Variants in MARCHF10 observed in about 807,000 individuals in gnomAD.
MARCHF10 encodes the protein probable E3 ubiquitin-protein ligase MARCHF10.
MARCHF10 carries 64 observed loss-of-function variants against 76.2 expected under a neutral mutation model. That is an observed-to-expected ratio of 0.84 (90% CI 0.69 to 1.03). The LOEUF is 1.03. Ranked by LOEUF, MARCHF10 falls within the 50% of genes least tolerant of loss-of-function variation. MARCHF10 has a pLI of 0.00. For synonymous variants in MARCHF10, 340 were observed against 357.5 expected (o/e 0.95, Z 0.55); for missense variants, 875 against 958.0 (o/e 0.91, Z 1.14).
intron 2 of MARCHF10, among the ~76,000 whole-genome samples, chr17:62,792,985 TCAC>T (rs2092891145): frequency 1.1e-5 from 1 of 94,094 alleles, no homozygotes; most frequent in African/African-American, 4.3e-5. Flanking sequence ...ACCACCTCCA[TCAC>T]TACCACCACC....
intron 4 of MARCHF10, among the ~76,000 whole-genome samples, chr17:62,751,545 A>C (rs1019607567): frequency 2.6e-5 from 4 of 152,192 alleles, no homozygotes; most frequent in Admixed American, 6.5e-5. Flanking sequence ...TCTTGTTCAA[A>C]AATAGTTTCG....
chr17:62,711,200 C>T lies in MARCHF10; in HGVS notation c.2328+31G>A. 6.3e-7 allele frequency: 1 copy of T among 1,594,494 alleles called. No individual in the cohort carries two copies. Among genetic ancestry groups the T allele is most frequent in the Non-Finnish European group, 8.6e-7 (1 of 1,162,676 alleles). ...CACTGCAGGGTTTTCAGGGCTGCCA[C>T]CGGACAGCTCTGGGTCACAGCCAGA... is the stretch of plus-strand genomic sequence containing the variant. On this transcript the variant is annotated intron_variant, in intron 9 of 10. Coordinates refer to ENST00000311269, the MANE Select transcript of MARCHF10 (RefSeq NM_152598.4). The surrounding 1 kb of genome is among the most constrained non-coding windows in gnomAD (Gnocchi z 4.4).
rs540504027 is a variant in MARCHF10 at position 62,724,814 on chromosome 17, G to A, written c.2104+124C>T. Reference sequence around the variant, plus strand: ...GAGCAAGGATCTGGAGCTCAGCCACGTGTCCCTGAGTCGCTGTTCTGCGGA... The same window carrying A: ...GAGCAAGGATCTGGAGCTCAGCCACATGTCCCTGAGTCGCTGTTCTGCGGA... On this transcript the variant is annotated intron_variant, in intron 7 of 10. Coordinates refer to ENST00000311269, the MANE Select transcript of MARCHF10 (RefSeq NM_152598.4). The A allele has an allele frequency of 7.1e-5, 70 of 987,318 alleles. No homozygotes were observed. In the East Asian group the frequency reaches 1.7e-3, roughly 24 times the overall value. 61.2% of individuals were successfully genotyped at this position (987,318 alleles called of 1,614,324 possible).
rs60456766 is a variant in MARCHF10, at chr17:62,723,559, C to CTTTTTTTTTTTTTTTTTT, written c.2105-980_2105-963dup. Among the ~76,000 whole-genome samples the CTTTTTTTTTTTTTTTTTT allele has an allele frequency of 1.3e-3, 103 of 80,334 alleles. 10 individuals carry two copies. The highest frequency in any genetic ancestry group is 2.1e-3 in the East Asian group (6 of 2,868). 52.7% of individuals were successfully genotyped at this position (80,334 alleles called of 152,430 possible). A position where few individuals can be genotyped will look rare whatever the true frequency, so the allele number is the denominator to read the frequency against. ...CCTTATCTGCATTTTGTTCGCTTGA[C>CTTTTTTTTTTTTTTTTTT]TTTTTTTTTTTTTTTTTTTAGCGTC... On this transcript the variant is annotated intron_variant, in intron 7 of 10. Transcript: ENST00000311269.
intron 3 of MARCHF10, among the ~76,000 whole-genome samples, chr17:62,787,832 A>G (rs1382039521): frequency 6.6e-6 from 1 of 152,212 alleles, no homozygotes; most frequent in Admixed American, 6.5e-5. Flanking sequence ...ATATGTATAA[A>G]GTGCTTCGTA....
In MARCHF10 at chr17:62,738,101, A is replaced by ACACACACAC; in HGVS notation, c.536-770_536-769insGTGTGTGTG. Among the ~76,000 whole-genome samples the ACACACACAC allele has an allele frequency of 2.5e-5, 1 of 40,182 alleles. No individual in the cohort carries two copies. The allele number at this position is 40,182 out of a possible 152,430, so 26.4% of individuals were successfully genotyped here. The stretch of plus-strand genomic sequence containing the variant: ...ACACACACACACACACACACACACA[A>ACACACACAC]CTTAAGCCTCACAACCCTGTGAAAT... On this transcript the variant is annotated intron_variant, in intron 5 of 10. Transcript: ENST00000311269. This position sits in a 1 kb window ranked among gnomAD's most constrained non-coding sequence, Gnocchi z 4.0.
In MARCHF10 at chr17:62,711,763, G is replaced by A. The variant is rs1318984583; in HGVS notation, c.2215-419C>T. 6.6e-6 allele frequency among the ~76,000 whole-genome samples: 1 copy of A among 152,164 alleles called. No homozygotes were observed. The highest frequency in any genetic ancestry group is 2.4e-5 in the African/African-American group (1 of 41,418). On this transcript the variant is annotated intron_variant, in intron 8 of 10. Transcript: ENST00000311269. This position sits in a 1 kb window ranked among gnomAD's most constrained non-coding sequence, Gnocchi z 4.4. ...CTCCAGTACAAGCTGGATGTGTCGG[G>A]TGCTACAACAGAGATGCACCAGGCC...
At chr17:62,705,005 G>T in intron 10 of MARCHF10, 1 of 878,176 alleles carries the variant, frequency 1.1e-6, no homozygotes, top group Non-Finnish European at 1.4e-6. Flanking sequence ...GAACCTGTTT[G>T]CAGAGAGCCG....
intron 8 of MARCHF10, among the ~76,000 whole-genome samples, chr17:62,720,845 C>A (rs2090444618): frequency 1.3e-5 from 2 of 150,442 alleles, no homozygotes; most frequent in Non-Finnish European, 3.0e-5. Flanking sequence ...GGAGTCTCTG[C>A]TCCGGTAAGT....
intron 4 of MARCHF10, among the ~76,000 whole-genome samples, chr17:62,753,986 G>A (rs1225471369): frequency 6.6e-6 from 1 of 152,196 alleles, no homozygotes; most frequent in Non-Finnish European, 1.5e-5. Flanking sequence ...GGATGTATTT[G>A]CTAACATCCC....
chr17:62,763,890 C>T (rs17684593), intron 3 of MARCHF10, among the ~76,000 whole-genome samples: 7,781 of 152,194 alleles, frequency 0.051, 275 homozygotes, highest in Middle Eastern at 0.092. Context: ...CCAAAGATCC[C>T]GAACTTGCTC....
In MARCHF10 at chr17:62,788,522, ACTTGTCT is replaced by A; in HGVS notation, c.161_167del (p.Glu54ValfsTer23). 6.2e-7 allele frequency: 1 copy of A among 1,613,946 alleles called. No homozygotes were observed. Among genetic ancestry groups the A allele is most frequent in the Non-Finnish European group, 8.5e-7 (1 of 1,179,976 alleles). ...TGCTAGAAAACCGGGATCTCTCAAA[ACTTGTCT>A]CTTGCCCCCAAAACTGATCGCGTTT... is the stretch of plus-strand genomic sequence containing the variant. On this transcript the variant is annotated frameshift_variant, in exon 3 of 11. Transcript: ENST00000311269. LOFTEE classifies it high-confidence loss of function.
intron 2 of MARCHF10, among the ~76,000 whole-genome samples, chr17:62,795,648 G>T (rs957700890): frequency 6.6e-6 from 1 of 152,138 alleles, no homozygotes; most frequent in African/African-American, 2.4e-5. Context: ...AACACTTAGC[G>T]TATTTTAGGC....
intron 2 of MARCHF10, among the ~76,000 whole-genome samples, chr17:62,789,342 T>G (rs2092803346): frequency 6.6e-6 from 1 of 152,150 alleles, no homozygotes; most frequent in Non-Finnish European, 1.5e-5. Context: ...CATGTGTGTT[T>G]CCTGCACTTG....
chr17:62,790,179 T>C (rs920281320), intron 2 of MARCHF10, among the ~76,000 whole-genome samples: 1 of 151,144 alleles, frequency 6.6e-6, no homozygotes, highest in Admixed American at 6.6e-5. Context: ...TAGTAAAAGT[T>C]TTTTTTTTCC....
chr17:62,804,188 A>G (rs1453641841), intron 1 of MARCHF10, among the ~76,000 whole-genome samples: 1 of 152,194 alleles, frequency 6.6e-6, no homozygotes. Context: ...TTCGCTTCAG[A>G]AAACACAGGA....
intron 1 of MARCHF10, among the ~76,000 whole-genome samples, chr17:62,804,447 C>T (rs1197489516): frequency 1.3e-5 from 2 of 151,544 alleles, no homozygotes; most frequent in Admixed American, 6.6e-5. Context: ...AGAAACTCTG[C>T]GGAAAAAAAA....
At chr17:62,747,745 GC>G (rs2091755081) in intron 4 of MARCHF10, among the ~76,000 whole-genome samples, 1 of 152,154 alleles carries the variant, frequency 6.6e-6, no homozygotes, top group Admixed American at 6.5e-5. Context: ...TCACAGGTTG[GC>G]AATAACTTAT....
intron 10 of MARCHF10, chr17:62,705,022 C>A: frequency 1.1e-5 from 11 of 993,108 alleles, no homozygotes; most frequent in African/African-American, 1.7e-5. Context: ...GCCGTCTTGC[C>A]CGCTTTGAGG....
Sources: gnomAD v4.1 joint callset for allele counts (sites outside exome capture counted in the v4.1 genomes callset) on GRCh38, gnomAD v4.1.1 for gene constraint, Gnocchi (gnomAD v3.1) non-coding constraint, MANE v1.5 for transcripts, NCBI Gene and HGNC (gene_info 2026-07-23, HGNC 2026-07-21) for gene names.